The following COL24A1 variants were observed in gnomAD, a reference collection of about 807,000 sequenced individuals.
COL24A1 encodes the protein collagen type XXIV alpha 1 chain.
Under a neutral mutation model 253.9 loss-of-function variants are expected in COL24A1, and 224 were observed. The observed-to-expected ratio is 0.88, with a 90% confidence interval of 0.79 to 0.99. The LOEUF (loss-of-function observed/expected upper bound fraction) is 0.99, where lower values mean the gene tolerates loss of function less well. COL24A1 is among the 50% of genes least tolerant of loss of function. COL24A1 has a pLI of 0.00. For missense variants in COL24A1, 2,131 were observed against 2,068.5 expected (o/e 1.03, Z -0.59); for synonymous variants, 685 against 673.7 (o/e 1.02, Z -0.26).
chr1:85,884,868 T>C (rs1211785909), intron 32 of COL24A1, among the ~76,000 whole-genome samples: 1 of 152,162 alleles, frequency 6.6e-6, no homozygotes, highest in East Asian at 1.9e-4. Context: ...AGTAAGAACC[T>C]GTTAGGGCTC....
At chr1:85,778,847 G>T (rs1254325249) in intron 52 of COL24A1, among the ~76,000 whole-genome samples, 1 of 151,668 alleles carries the variant, frequency 6.6e-6, no homozygotes, top group Non-Finnish European at 1.5e-5. Context: ...CAGGTGATCT[G>T]CCCACCTCGG....
At chr1:85,814,553 T>C (rs888027748) in intron 47 of COL24A1, among the ~76,000 whole-genome samples, 2 of 152,194 alleles carry the variant, frequency 1.3e-5, no homozygotes, top group Non-Finnish European at 2.9e-5. Flanking sequence ...AAATGGCATA[T>C]ATTGAAACTG....
At chr1:86,064,763 G>A (rs1347555195) in intron 7 of COL24A1, among the ~76,000 whole-genome samples, 7 of 152,088 alleles carry the variant, frequency 4.6e-5, no homozygotes, top group Non-Finnish European at 1.0e-4. Context: ...AGATGAATTC[G>A]GATTAATGGA....
intron 3 of COL24A1, among the ~76,000 whole-genome samples, chr1:86,118,927 G>C (rs1706422392): frequency 6.6e-6 from 1 of 152,180 alleles, no homozygotes; most frequent in Non-Finnish European, 1.5e-5. Flanking sequence ...AGTGGGGCAA[G>C]AGGCAGTTGC....
At position 85,822,823 on chromosome 1, in the gene COL24A1, G is replaced by A. The variant is rs115192338; in HGVS notation, c.3789+713C>T. Among the ~76,000 whole-genome samples, 1,200 of 152,136 alleles carry A rather than the reference G, an allele frequency of 7.9e-3. 21 individuals are homozygous for A. The highest frequency in any genetic ancestry group is 0.027 in the African/African-American group (1,128 of 41,514). On this transcript the variant is annotated intron_variant, in intron 45 of 59. Coordinates refer to ENST00000370571, the MANE Select transcript of COL24A1 (RefSeq NM_152890.7). Reference sequence around the variant, plus strand: ...CACCCTTGATATTTGATATCTAACTGGGTTCCTCATCCTCTACCATCCCCC... The same window carrying A: ...CACCCTTGATATTTGATATCTAACTAGGTTCCTCATCCTCTACCATCCCCC...
In COL24A1 at chr1:86,125,857, T is replaced by C; in HGVS notation, c.479A>G (p.Asp160Gly). The C allele has an allele frequency of 6.2e-7, 1 of 1,613,344 alleles. No individual in the cohort carries two copies. Among genetic ancestry groups the C allele is most frequent in the Non-Finnish European group, 8.5e-7 (1 of 1,179,718 alleles). The change falls in exon 3 of 60, where the codon GAT (aspartate) becomes GGT (glycine). Residue 160 changes from aspartate to glycine, a missense_variant. By Grantham distance (94) the Asp-to-Gly change is moderately conservative (BLOSUM62 -1). Transcript: ENST00000370571. ...AATGGCAAATGAGTGCCATTGCTCA[T>C]CATGAACACTGTAGTTGAAAACTGC... ...QPAVFNYSVH[D>G]EQWHSFAITI...
chr1:85,780,420 G>A (rs969270660), intron 52 of COL24A1, among the ~76,000 whole-genome samples: 1 of 151,952 alleles, frequency 6.6e-6, no homozygotes, highest in African/African-American at 2.4e-5. Flanking sequence ...TATCAATATT[G>A]GAAAACTTTC....
intron 52 of COL24A1, among the ~76,000 whole-genome samples, chr1:85,776,055 TA>T (rs762275919): frequency 2.4e-4 from 37 of 152,208 alleles, no homozygotes; most frequent in Non-Finnish European, 4.7e-4. Flanking sequence ...TAAATTCTTC[TA>T]ATAATTGTTT....
In COL24A1 at chr1:86,022,935, T is replaced by G; in HGVS notation, c.2103+19A>C. 6.2e-7 allele frequency: 1 copy of G among 1,613,016 alleles called. No homozygotes were observed. The highest frequency in any genetic ancestry group is 8.5e-7 in the Non-Finnish European group (1 of 1,179,386). On this transcript the variant is annotated intron_variant, in intron 15 of 59. Coordinates refer to ENST00000370571, the MANE Select transcript of COL24A1 (RefSeq NM_152890.7). ...AGACAGATTAAAGGGAAATATCCAT[T>G]ATACAAATAGAACCATACCATTGGG...
chr1:86,144,590 G>C (rs1487376111), intron 2 of COL24A1, among the ~76,000 whole-genome samples: 4 of 152,082 alleles, frequency 2.6e-5, no homozygotes, highest in Non-Finnish European at 4.4e-5. Context: ...ACCAGCAAAA[G>C]AGATGATACA....
intron 7 of COL24A1, among the ~76,000 whole-genome samples, chr1:86,084,954 C>G (rs975848814): frequency 1.3e-5 from 2 of 152,094 alleles, no homozygotes; most frequent in African/African-American, 4.8e-5. Flanking sequence ...GGAAGCAACT[C>G]AAAGTAAAAC....
chr1:86,059,332 C>G (rs142441287), intron 8 of COL24A1, among the ~76,000 whole-genome samples, 158 bp from the exon 9 acceptor site: 1 of 152,018 alleles, frequency 6.6e-6, no homozygotes, highest in Admixed American at 6.6e-5. Flanking sequence ...GGAAAATGGA[C>G]AAAAATTGCT....
In COL24A1 at chr1:85,788,126, A is replaced by G. The variant is rs1669875267; in HGVS notation, c.3952-1665T>C. ...GTTTTTTGGAGACAGAGTCACGCTC[A>G]GTCACCCAGGCTGGAGTGCAGTGGT... On this transcript the variant is annotated intron_variant, in intron 47 of 59. Coordinates refer to ENST00000370571, the MANE Select transcript of COL24A1 (RefSeq NM_152890.7). Among the ~76,000 whole-genome samples the G allele has an allele frequency of 2.0e-5, 3 of 151,812 alleles. No individual in the cohort carries two copies. The South Asian group carries it at 6.2e-4, about 32-fold the overall frequency.
chr1:85,794,471 G>A (rs886433180), intron 47 of COL24A1, among the ~76,000 whole-genome samples: 6 of 152,122 alleles, frequency 3.9e-5, no homozygotes, highest in Non-Finnish European at 7.4e-5. Context: ...TACTTGCAGT[G>A]CCATCAGATA....
At chr1:85,947,392 G>A (rs780573397) in intron 24 of COL24A1, among the ~76,000 whole-genome samples, 1 of 152,174 alleles carries the variant, frequency 6.6e-6, no homozygotes, top group Admixed American at 6.5e-5. Context: ...TTAGTTATAG[G>A]TGACATGGAG....
chr1:85,958,100 A>G (rs920550984), intron 24 of COL24A1, among the ~76,000 whole-genome samples: 15 of 152,184 alleles, frequency 9.9e-5, no homozygotes, highest in Admixed American at 9.8e-4. Flanking sequence ...TTTAATCCTC[A>G]TAAGAAAATC....
At chr1:86,127,812 C>T (rs1360138658) in intron 2 of COL24A1, among the ~76,000 whole-genome samples, 1 of 151,998 alleles carries the variant, frequency 6.6e-6, no homozygotes, top group Non-Finnish European at 1.5e-5. Flanking sequence ...TCTCATTTCC[C>T]AAGTCTCACA....
chr1:85,901,368 G>A (rs1684273067), intron 28 of COL24A1, among the ~76,000 whole-genome samples: 1 of 152,042 alleles, frequency 6.6e-6, no homozygotes, highest in Non-Finnish European at 1.5e-5. Context: ...CATATCACAG[G>A]AAGAATGACT....
At chr1:85,966,168 G>A (rs763402270) in intron 22 of COL24A1, among the ~76,000 whole-genome samples, 1 of 152,078 alleles carries the variant, frequency 6.6e-6, no homozygotes, top group Non-Finnish European at 1.5e-5. Context: ...AACTGCTGGC[G>A]GGTCATGTGT....
Sources: allele counts gnomAD v4.1 joint callset (sites outside exome capture counted in the v4.1 genomes callset), GRCh38; gene constraint gnomAD v4.1.1; transcripts MANE v1.5; gene names NCBI Gene and HGNC (gene_info 2026-07-23, HGNC 2026-07-21).